Variants in ANO10 observed in about 807,000 individuals in gnomAD.
ANO10 encodes the protein anoctamin-10.
A neutral mutation model predicts 74.7 loss-of-function variants in ANO10; 77 were observed. That is an observed-to-expected ratio of 1.03 (90% CI 0.86 to 1.25). The LOEUF is 1.25. Ranked by LOEUF, ANO10 falls within the 50% of genes most tolerant of loss-of-function variation. The pLI is 0.00. For missense variants in ANO10, 721 were observed against 778.1 expected (o/e 0.93, Z 0.87); for synonymous variants, 279 against 284.9 (o/e 0.98, Z 0.21).
intron 1 of ANO10, among the ~76,000 whole-genome samples, chr3:43,643,212 T>C (rs1481882865): frequency 6.6e-6 from 1 of 151,862 alleles, no homozygotes; most frequent in African/African-American, 2.4e-5. Flanking sequence ...TTTGTATTTT[T>C]AGTAGAGACG....
intron 1 of ANO10, among the ~76,000 whole-genome samples, chr3:43,620,623 C>A (rs987958409): frequency 2.6e-4 from 40 of 152,216 alleles, no homozygotes; most frequent in African/African-American, 8.9e-4. Flanking sequence ...ACTAAAAACA[C>A]AAAAATTAGC....
At chr3:43,544,849 C>T (rs1241796844) in intron 11 of ANO10, among the ~76,000 whole-genome samples, 1 of 149,380 alleles carries the variant, frequency 6.7e-6, no homozygotes, top group Non-Finnish European at 1.5e-5. Context: ...AATAAAGTGA[C>T]CTGGCTTTGG....
At chr3:43,676,435 G>A (rs536093891) in intron 1 of ANO10, among the ~76,000 whole-genome samples, 2 of 152,222 alleles carry the variant, frequency 1.3e-5, no homozygotes, top group South Asian at 4.1e-4. Flanking sequence ...TCCAGCCTGG[G>A]AGACAGAGTG....
chr3:43,451,334 A>T (rs956685096), intron 11 of ANO10, among the ~76,000 whole-genome samples: 5 of 152,230 alleles, frequency 3.3e-5, no homozygotes, highest in African/African-American at 1.2e-4. Flanking sequence ...CGACTAGTCT[A>T]TCGGGATGGA....
intron 12 of ANO10, among the ~76,000 whole-genome samples, chr3:43,409,892 C>T (rs2092637287): frequency 6.6e-6 from 1 of 152,106 alleles, no homozygotes; most frequent in South Asian, 2.1e-4. Flanking sequence ...CTTTTTCTGA[C>T]TTTTTATATT....
chr3:43,676,293 TACAAAAAAAAGAAAAAAAAAATAG>T (rs1400585907), intron 1 of ANO10, among the ~76,000 whole-genome samples: 1 of 146,092 alleles, frequency 6.8e-6, no homozygotes, highest in African/African-American at 2.7e-5. Flanking sequence ...ACCCTGTATG[TACAAAAAAAAGAAAAAAAAAATAG>T]CTAGGCATGG....
At chr3:43,430,527 G>A (rs975034476) in intron 12 of ANO10, among the ~76,000 whole-genome samples, 2 of 151,980 alleles carry the variant, frequency 1.3e-5, no homozygotes, top group Non-Finnish European at 2.9e-5. Flanking sequence ...CCATCAAACT[G>A]TGTAACAAAT....
At chr3:43,657,695 G>A (rs764684552) in intron 1 of ANO10, among the ~76,000 whole-genome samples, 38 of 152,182 alleles carry the variant, frequency 2.5e-4, no homozygotes, top group Non-Finnish European at 4.9e-4. Context: ...CCCCAGGATA[G>A]CCTTTGTTCT....
chr3:43,660,252 T>C lies in ANO10; in HGVS notation c.-12+31265A>G, dbSNP rs142814198. 3.9e-3 allele frequency among the ~76,000 whole-genome samples: 598 copies of C among 152,210 alleles called. 1 individual carries two copies. The highest frequency in any genetic ancestry group is 0.013 in the African/African-American group (530 of 41,528). ...AAAACTGGATGGAGAATGAGTTTGA[T>C]GAGTTGACAGAAGTAGGCTTCAGAA... is the stretch of plus-strand genomic sequence containing the variant. On this transcript the variant is annotated intron_variant, in intron 1 of 3. Coordinates refer to the ANO10 transcript ENST00000413397.
At chr3:43,484,887 C>A (rs2076407106) in intron 11 of ANO10, 1 of 629,974 alleles carries the variant, frequency 1.6e-6, no homozygotes, top group South Asian at 2.0e-5. Context: ...GACCAATTGT[C>A]TAAGCATTTA....
At chr3:43,516,935 T>C (rs1159760261) in intron 11 of ANO10, among the ~76,000 whole-genome samples, 2 of 152,022 alleles carry the variant, frequency 1.3e-5, no homozygotes, top group Non-Finnish European at 2.9e-5. Flanking sequence ...GAGATAGTGG[T>C]ATTTATGGAA....
intron 1 of ANO10, among the ~76,000 whole-genome samples, chr3:43,649,594 G>A (rs1451202409): frequency 6.6e-6 from 1 of 152,176 alleles, no homozygotes; most frequent in East Asian, 1.9e-4. Context: ...TAAGCAGGGA[G>A]GTGTAAGAGT....
At chr3:43,616,959 T>C (rs2083138942) in intron 1 of ANO10, among the ~76,000 whole-genome samples, 1 of 151,716 alleles carries the variant, frequency 6.6e-6, no homozygotes, top group South Asian at 2.1e-4. Flanking sequence ...GTTATGGATG[T>C]GACAGACTTT....
chr3:43,684,505 T>C (rs1043921599), intron 1 of ANO10, among the ~76,000 whole-genome samples: 27 of 152,194 alleles, frequency 1.8e-4, no homozygotes, highest in Admixed American at 2.6e-4. Flanking sequence ...CGTTCAACCA[T>C]TGTGGAAGTC....
At chr3:43,469,640 CA>C (rs1268948904) in intron 11 of ANO10, among the ~76,000 whole-genome samples, 1 of 152,146 alleles carries the variant, frequency 6.6e-6, no homozygotes, top group East Asian at 1.9e-4. Context: ...GTATCACAGT[CA>C]AAGGTTTCTT....
chr3:43,524,694 C>T (rs551288541), intron 11 of ANO10, among the ~76,000 whole-genome samples: 189 of 152,222 alleles, frequency 1.2e-3, no homozygotes, highest in Non-Finnish European at 2.0e-3. Context: ...TTAGACTCAG[C>T]GGGACAATGA....
At chr3:43,620,317 A>C (rs2149545515) in intron 1 of ANO10, among the ~76,000 whole-genome samples, 1 of 152,354 alleles carries the variant, frequency 6.6e-6, no homozygotes, top group East Asian at 1.9e-4. Context: ...AAGTAATATA[A>C]CAATATTACC....
chr3:43,408,327 A>G (rs1575695800), intron 12 of ANO10, among the ~76,000 whole-genome samples: 1 of 152,230 alleles, frequency 6.6e-6, no homozygotes, highest in East Asian at 1.9e-4. Flanking sequence ...ATATTAATTA[A>G]TCTTAGAGAT....
intron 1 of ANO10, among the ~76,000 whole-genome samples, chr3:43,673,696 T>C (rs368666918): frequency 6.6e-6 from 1 of 152,182 alleles, no homozygotes; most frequent in Non-Finnish European, 1.5e-5. Flanking sequence ...CTGATTCTAC[T>C]GAAAATAAAA....
Sources: gnomAD v4.1 joint callset for allele counts (sites outside exome capture counted in the v4.1 genomes callset) on GRCh38, gnomAD v4.1.1 for gene constraint, MANE v1.5 for transcripts, NCBI Gene and HGNC (gene_info 2026-07-23, HGNC 2026-07-21) for gene names.